The following SHTN1 variants were observed in gnomAD, a reference collection of about 807,000 sequenced individuals.
SHTN1 encodes shootin 1.
Under a neutral mutation model 83.1 loss-of-function variants are expected in SHTN1, and 42 were observed. The ratio of observed to expected loss-of-function variants is 0.51; its 90% CI spans 0.39 to 0.65. The LOEUF (loss-of-function observed/expected upper bound fraction) is 0.65, where lower values mean the gene tolerates loss of function less well. SHTN1 is among the 30% of genes least tolerant of loss of function. SHTN1 has a pLI of 0.00. For missense variants in SHTN1, 622 were observed against 737.8 expected (o/e 0.84, Z 1.82); for synonymous variants, 224 against 247.7 (o/e 0.90, Z 0.90).
At chr10:116,928,052 A>G (rs1210696593) in intron 10 of SHTN1, among the ~76,000 whole-genome samples, 161 bp from the exon 11 acceptor site, 1 of 152,212 alleles carries the variant, frequency 6.6e-6, no homozygotes, top group East Asian at 1.9e-4. Flanking sequence ...TAAACTTTTC[A>G]CTATCTAGTC....
intron 9 of SHTN1, among the ~76,000 whole-genome samples, chr10:116,938,747 C>T (rs979744505): frequency 3.9e-5 from 6 of 152,198 alleles, no homozygotes; most frequent in South Asian, 2.1e-4. Flanking sequence ...ACGTTTAAGC[C>T]GCTGAAGCTG....
At chr10:116,946,583 TTATATATAAATATATAAAATGATTTA>T (rs1849598197) in intron 7 of SHTN1, among the ~76,000 whole-genome samples, 1 of 119,340 alleles carries the variant, frequency 8.4e-6, no homozygotes, top group Non-Finnish European at 1.7e-5. Context: ...ATAAAATGAT[TTATATATAAATATATAAAATGATTTA>T]TATATAAATA....
chr10:116,883,378 G>C lies in SHTN1; in HGVS notation c.*2966C>G, dbSNP rs1205588078. On this transcript the variant is annotated 3_prime_UTR_variant, in exon 17 of 17. Transcript: ENST00000355371. Reference sequence around the variant, plus strand: ...CCAAATTAAAATGACTGTGGGATAGGGACATGTTAGTGCTTGGAAGAGAAA... The same window carrying C: ...CCAAATTAAAATGACTGTGGGATAGCGACATGTTAGTGCTTGGAAGAGAAA... 6.6e-6 allele frequency: 1 copy of C among 152,106 alleles called. No homozygotes were observed. Among genetic ancestry groups the C allele is most frequent in the African/African-American group, 2.4e-5 (1 of 41,414 alleles). 9.4% of individuals were successfully genotyped at this position (152,106 alleles called of 1,614,324 possible).
chr10:117,078,180 C>T (rs1263406149), intron 1 of SHTN1, among the ~76,000 whole-genome samples: 5 of 152,132 alleles, frequency 3.3e-5, no homozygotes, highest in African/African-American at 1.2e-4. Context: ...GATTAAGATC[C>T]TGAAGCACGT....
intron 1 of SHTN1, among the ~76,000 whole-genome samples, chr10:117,004,025 T>G (rs1589889720): frequency 6.6e-6 from 1 of 152,122 alleles, no homozygotes; most frequent in Admixed American, 6.5e-5. Flanking sequence ...GTAGCTGGGA[T>G]TACAGGCATG....
At chr10:116,936,838 G>A (rs1259191814) in intron 9 of SHTN1, among the ~76,000 whole-genome samples, 1 of 152,098 alleles carries the variant, frequency 6.6e-6, no homozygotes, top group African/African-American at 2.4e-5. Flanking sequence ...TTATGAATCT[G>A]AGTGCTCCTG....
At chr10:116,986,746 C>G (rs1230978961) in intron 1 of SHTN1, among the ~76,000 whole-genome samples, 1 of 107,144 alleles carries the variant, frequency 9.3e-6, no homozygotes, top group African/African-American at 3.8e-5. Context: ...TTTTTTGAGA[C>G]AGAGTGTCGC....
At chr10:117,035,744 G>A (rs1002882904) in intron 2 of SHTN1, among the ~76,000 whole-genome samples, 7 of 151,918 alleles carry the variant, frequency 4.6e-5, no homozygotes, top group African/African-American at 7.3e-5. Context: ...TCAGGAGTTC[G>A]AGACCAGACT....
chr10:117,061,478 CTTTTTT>C (rs1237820102), intron 1 of SHTN1, among the ~76,000 whole-genome samples: 2 of 146,808 alleles, frequency 1.4e-5, no homozygotes, highest in Non-Finnish European at 3.0e-5. Context: ...TTTTCTTTTT[CTTTTTT>C]TTGAAATGGA....
At chr10:117,094,902 G>A (rs576575909) in intron 1 of SHTN1, among the ~76,000 whole-genome samples, 1 of 152,242 alleles carries the variant, frequency 6.6e-6, no homozygotes, top group African/African-American at 2.4e-5. Flanking sequence ...AAAATCAAGG[G>A]AGGATACAAC....
At chr10:117,009,216 CTAAG>C (rs766607370), upstream of SHTN1, among the ~76,000 whole-genome samples, 19 of 151,782 alleles carry the variant, frequency 1.3e-4, no homozygotes, top group Non-Finnish European at 2.4e-4. Flanking sequence ...TTTTTAAAAA[CTAAG>C]TATAAAATAA....
chr10:116,888,681 G>A (rs1847239319), intron 16 of SHTN1, among the ~76,000 whole-genome samples: 1 of 152,220 alleles, frequency 6.6e-6, no homozygotes, highest in African/African-American at 2.4e-5. Flanking sequence ...GTGGGGAGCT[G>A]GAGAAACTGT....
chr10:116,912,564 TA>T (rs1848240884), intron 13 of SHTN1, among the ~76,000 whole-genome samples: 1 of 152,142 alleles, frequency 6.6e-6, no homozygotes, highest in African/African-American at 2.4e-5. Flanking sequence ...ATGGACAAAA[TA>T]ATCTGAAGTA....
chr10:116,973,017 T>C (rs1283621387), intron 2 of SHTN1, among the ~76,000 whole-genome samples: 3 of 152,142 alleles, frequency 2.0e-5, no homozygotes, highest in African/African-American at 7.2e-5. Flanking sequence ...GCAGACTGAT[T>C]TGTAGAGAAA....
At chr10:116,894,030 C>A (rs1008991833) in intron 16 of SHTN1, among the ~76,000 whole-genome samples, 1 of 143,576 alleles carries the variant, frequency 7.0e-6, no homozygotes, top group African/African-American at 2.5e-5. Context: ...AGTTAGAGGT[C>A]AAACAATGAT....
intron 1 of SHTN1, among the ~76,000 whole-genome samples, chr10:117,103,255 A>T (rs890382314): frequency 1.3e-5 from 2 of 151,762 alleles, no homozygotes; most frequent in Non-Finnish European, 2.9e-5. Context: ...ACACCTGGCT[A>T]ATTTTTTATA....
chr10:116,984,514 G>A (rs1443732959), intron 1 of SHTN1, among the ~76,000 whole-genome samples: 2 of 152,008 alleles, frequency 1.3e-5, no homozygotes, highest in African/African-American at 2.4e-5. Flanking sequence ...TGTATGAAAC[G>A]TCTCCTTTCA....
At chr10:117,017,318 C>T (rs991179062) in intron 2 of SHTN1, among the ~76,000 whole-genome samples, 3 of 151,828 alleles carry the variant, frequency 2.0e-5, no homozygotes, top group Non-Finnish European at 4.4e-5. Context: ...GGTGAAACCC[C>T]ATCTCTACTA....
chr10:116,936,900 C>T (rs895755875), intron 9 of SHTN1, among the ~76,000 whole-genome samples: 3 of 152,094 alleles, frequency 2.0e-5, no homozygotes, highest in Non-Finnish European at 4.4e-5. Context: ...TGCATTAATA[C>T]CTTTACCGTT....
Sources: gnomAD v4.1 joint callset for allele counts (sites outside exome capture counted in the v4.1 genomes callset) on GRCh38, gnomAD v4.1.1 for gene constraint, MANE v1.5 for transcripts, NCBI Gene and HGNC (gene_info 2026-07-23, HGNC 2026-07-21) for gene names.